The following CXCL13 variants were observed in gnomAD, a reference collection of about 807,000 sequenced individuals.
The protein encoded by CXCL13 is C-X-C motif chemokine 13.
Under a neutral mutation model 12.2 loss-of-function variants are expected in CXCL13, and 7 were observed. That is an observed-to-expected ratio of 0.57 (90% CI 0.33 to 1.07). CXCL13 has a LOEUF of 1.07. Among genes scored for constraint, CXCL13 ranks in the 50% least tolerant of loss-of-function variants. The pLI is 0.04. For synonymous variants in CXCL13, 47 were observed against 42.4 expected (o/e 1.11, Z -0.42); for missense variants, 113 against 127.4 (o/e 0.89, Z 0.55).
At chr4:77,526,507 T>G (rs1250479461) in intron 1 of CXCL13, among the ~76,000 whole-genome samples, 1 of 151,700 alleles carries the variant, frequency 6.6e-6, no homozygotes, top group Non-Finnish European at 1.5e-5. Flanking sequence ...GAAAACACAC[T>G]CAAAGGGGGA....
chr4:77,571,720 C>T (rs958820078), intron 1 of CXCL13, among the ~76,000 whole-genome samples: 37 of 151,856 alleles, frequency 2.4e-4, no homozygotes, highest in Middle Eastern at 3.4e-3. Context: ...AGCAGGCTGC[C>T]GGAGCCAGCA....
At chr4:77,514,629 C>T (rs1236421670) in intron 1 of CXCL13, among the ~76,000 whole-genome samples, 1 of 149,274 alleles carries the variant, frequency 6.7e-6, no homozygotes, top group Non-Finnish European at 1.5e-5. Flanking sequence ...TGTTCATGTC[C>T]TTCGCCCACT....
chr4:77,542,298 G>A (rs1725223352), intron 1 of CXCL13, among the ~76,000 whole-genome samples: 1 of 152,036 alleles, frequency 6.6e-6, no homozygotes, highest in African/African-American at 2.4e-5. Context: ...GTTCTCAAGG[G>A]GAATGCTTCC....
intron 1 of CXCL13, among the ~76,000 whole-genome samples, chr4:77,528,971 G>T (rs1438253703): frequency 6.6e-6 from 1 of 152,146 alleles, no homozygotes; most frequent in East Asian, 1.9e-4. Context: ...TGTAAGGAAG[G>T]GATCCAGTTT....
upstream of CXCL13, among the ~76,000 whole-genome samples, chr4:77,603,470 C>A (rs115427590): frequency 6.6e-6 from 1 of 152,034 alleles, no homozygotes; most frequent in Non-Finnish European, 1.5e-5. Context: ...TAAGTGTATG[C>A]GTGTCTGTGG....
At chr4:77,534,570 A>T (rs1241035552) in intron 1 of CXCL13, among the ~76,000 whole-genome samples, 30 of 152,232 alleles carry the variant, frequency 2.0e-4, no homozygotes, top group Admixed American at 2.0e-3. Flanking sequence ...ATACTTTCTT[A>T]ATAATTGTCA....
chr4:77,546,835 G>A (rs1046238618), intron 1 of CXCL13, among the ~76,000 whole-genome samples: 2 of 152,110 alleles, frequency 1.3e-5, no homozygotes, highest in African/African-American at 4.8e-5. Context: ...TGATGTTAGG[G>A]TGTTGATTTT....
At chr4:77,563,989 C>A (rs924502169) in intron 1 of CXCL13, among the ~76,000 whole-genome samples, 8 of 152,170 alleles carry the variant, frequency 5.3e-5, no homozygotes, top group Non-Finnish European at 1.0e-4. Flanking sequence ...GGGCATGTGA[C>A]AGACGGCCCT....
rs925472632 is a variant in CXCL13, at chr4:77,522,662, C to T, written c.-43+10874C>T. On this transcript the variant is annotated intron_variant, in intron 1 of 4. Coordinates refer to the CXCL13 transcript ENST00000286758. The stretch of plus-strand genomic sequence containing the variant: ...CACTAATGGGTCTTGTTTCTTTATC[C>T]AATTTATCAGTTTGTGTGTTTTAAT... 4.6e-5 allele frequency among the ~76,000 whole-genome samples: 7 copies of T among 151,160 alleles called. No individual in the cohort carries two copies. In the South Asian group the frequency reaches 1.3e-3, roughly 27 times the overall value.
At chr4:77,527,367 T>C (rs953593946) in intron 1 of CXCL13, among the ~76,000 whole-genome samples, 2 of 152,212 alleles carry the variant, frequency 1.3e-5, no homozygotes, top group Admixed American at 6.5e-5. Flanking sequence ...GCACAGTGAC[T>C]CATGCCTGTT....
At position 77,611,588 on chromosome 4, in the gene CXCL13, T is replaced by C. The variant is rs1001038583; in HGVS notation, c.*549T>C. ...ACTTTTAAAGAATTTCTTTATAAAA[T>C]TTACTGTCTAAGATTAATAGCATTC... is the stretch of plus-strand genomic sequence containing the variant. On this transcript the variant is annotated 3_prime_UTR_variant, in exon 4 of 4. Transcript: ENST00000682537. 1 of 397,936 alleles carries C rather than the reference T, an allele frequency of 2.5e-6. No homozygotes were observed. The highest frequency in any genetic ancestry group is 2.1e-5 in the African/African-American group (1 of 48,578). The allele number at this position is 397,936 out of a possible 1,614,324, so 24.7% of individuals were successfully genotyped here. A position where few individuals can be genotyped will look rare whatever the true frequency, so the allele number is the denominator to read the frequency against.
At position 77,530,444 on chromosome 4, in the gene CXCL13, C is replaced by T. The variant is rs192154749; in HGVS notation, c.-43+18656C>T. Among the ~76,000 whole-genome samples the T allele has an allele frequency of 9.2e-5, 14 of 152,270 alleles. No individual in the cohort carries two copies. In the East Asian group the frequency reaches 2.5e-3, roughly 27 times the overall value. On this transcript the variant is annotated intron_variant, in intron 1 of 4. Coordinates refer to the CXCL13 transcript ENST00000286758. ...GTTGGTAAGCTATTAATTATTGCAT[C>T]AATTTCAGAGCCTGTTATTGTCTAT... is the stretch of plus-strand genomic sequence containing the variant.
At chr4:77,516,763 C>T (rs1724431794) in intron 1 of CXCL13, among the ~76,000 whole-genome samples, 2 of 152,082 alleles carry the variant, frequency 1.3e-5, no homozygotes, top group African/African-American at 4.8e-5. Flanking sequence ...AAACCAGCTC[C>T]TGGATTCATT....
intron 1 of CXCL13, among the ~76,000 whole-genome samples, chr4:77,519,167 G>T (rs1035917739): frequency 6.6e-6 from 1 of 152,186 alleles, no homozygotes; most frequent in Non-Finnish European, 1.5e-5. Flanking sequence ...TGTCTCAGAG[G>T]AGTACCTGGC....
At chr4:77,544,138 G>A (rs1289492905) in intron 1 of CXCL13, among the ~76,000 whole-genome samples, 3 of 152,052 alleles carry the variant, frequency 2.0e-5, no homozygotes, top group African/African-American at 4.8e-5. Context: ...TCTTAATCCA[G>A]TCTATCATTG....
chr4:77,594,794 C>G (rs1379928027), intron 1 of CXCL13, among the ~76,000 whole-genome samples: 2 of 152,182 alleles, frequency 1.3e-5, no homozygotes, highest in Non-Finnish European at 2.9e-5. Context: ...GGATAAATAG[C>G]TAATGCATGT....
At chr4:77,588,579 TTGGCA>T (rs777654357) in intron 1 of CXCL13, among the ~76,000 whole-genome samples, 23 of 152,362 alleles carry the variant, frequency 1.5e-4, no homozygotes, top group Middle Eastern at 3.4e-3. Context: ...TTATTTGTCC[TTGGCA>T]TGTGTATTTG....
chr4:77,590,569 T>C (rs1179179368), intron 1 of CXCL13, among the ~76,000 whole-genome samples: 2 of 152,236 alleles, frequency 1.3e-5, no homozygotes, highest in Non-Finnish European at 1.5e-5. Flanking sequence ...AGGTTTTCCA[T>C]GGACATAAGT....
intron 1 of CXCL13, among the ~76,000 whole-genome samples, chr4:77,514,980 T>C (rs1370457458): frequency 1.3e-5 from 2 of 152,152 alleles, no homozygotes; most frequent in African/African-American, 4.8e-5. Flanking sequence ...AATTGATTTT[T>C]GTATAAGGTG....
Sources: gnomAD v4.1 joint callset for allele counts (sites outside exome capture counted in the v4.1 genomes callset) on GRCh38, gnomAD v4.1.1 for gene constraint, MANE v1.5 for transcripts, NCBI Gene and HGNC (gene_info 2026-07-23, HGNC 2026-07-21) for gene names.